The following CYP2C8 variants were observed in gnomAD, a reference collection of about 807,000 sequenced individuals.
CYP2C8 encodes cytochrome P450 family 2 subfamily C member 8.
Under a neutral mutation model 41.3 loss-of-function variants are expected in CYP2C8, and 51 were observed. The observed-to-expected ratio is 1.24, with a 90% CI of 0.99 to 1.56. CYP2C8 has a LOEUF of 1.56. CYP2C8 is among the 40% of genes most tolerant of loss of function. The pLI, the probability that CYP2C8 is intolerant of heterozygous loss-of-function variation, is 0.00. For missense variants in CYP2C8, 651 were observed against 579.9 expected, an observed-to-expected ratio of 1.12 and a Z score of -1.26; for synonymous variants, 218 against 205.8, an observed-to-expected ratio of 1.06 and a Z score of -0.51.
intron 5 of CYP2C8, among the ~76,000 whole-genome samples, chr10:95,054,556 CA>C (rs1328626371): frequency 6.6e-6 from 1 of 151,778 alleles, no homozygotes; most frequent in Non-Finnish European, 1.5e-5. Flanking sequence ...AGGTCCTAGC[CA>C]AAACAATTAG....
chr10:95,038,767 A>G lies in CYP2C8; in HGVS notation c.1291+130T>C, dbSNP rs2275621. 525 of 839,464 alleles carry G rather than the reference A, an allele frequency of 6.3e-4. 5 individuals carry two copies. In the East Asian group the frequency reaches 0.012, roughly 19 times the overall value. The allele number at this position is 839,464 out of a possible 1,614,324, so 52.0% of individuals were successfully genotyped here. ...TGTGAGGGTGGAGCACATGGGTGTT[A>G]AGAGTGGTGCTCTTGATCATGGACA... On this transcript the variant is annotated intron_variant, in intron 8 of 8. Transcript: ENST00000371270.
At chr10:95,042,387 A>G (rs2033020264) in intron 7 of CYP2C8, among the ~76,000 whole-genome samples, 1 of 135,684 alleles carries the variant, frequency 7.4e-6, no homozygotes, top group Non-Finnish European at 1.6e-5. Flanking sequence ...AATTACTTAT[A>G]CCAATTACAA....
chr10:95,058,956 C>A (rs2033366918), intron 4 of CYP2C8, among the ~76,000 whole-genome samples: 1 of 151,218 alleles, frequency 6.6e-6, no homozygotes, highest in Non-Finnish European at 1.5e-5. Context: ...CATCCATGTC[C>A]CTACAAAGAA....
intron 3 of CYP2C8, among the ~76,000 whole-genome samples, chr10:95,066,153 A>AGTGTGTGT (rs113983526): frequency 1.6e-4 from 14 of 88,266 alleles, no homozygotes; most frequent in African/African-American, 3.6e-4. Context: ...AGAGAGAGAG[A>AGTGTGTGT]GTGTGTGTGT....
At chr10:95,068,700 C>A (rs2033619970) in intron 1 of CYP2C8, 4 of 915,766 alleles carry the variant, frequency 4.4e-6, no homozygotes, top group South Asian at 4.1e-5. Context: ...AATACAATGA[C>A]CCCAATGTTT....
intron 7 of CYP2C8, among the ~76,000 whole-genome samples, chr10:95,042,291 A>G (rs1017292418): frequency 1.3e-5 from 2 of 152,216 alleles, no homozygotes; most frequent in Admixed American, 6.5e-5. Flanking sequence ...AATTCCAAGT[A>G]TATCTACAGA....
At chr10:95,057,711 A>G (rs2134427460) in intron 5 of CYP2C8, among the ~76,000 whole-genome samples, 1 of 152,320 alleles carries the variant, frequency 6.6e-6, no homozygotes, top group African/African-American at 2.4e-5. Flanking sequence ...AGGAAAAAAT[A>G]TACTTTTTCA....
intron 7 of CYP2C8, among the ~76,000 whole-genome samples, chr10:95,041,189 G>A (rs2032987554): frequency 6.6e-6 from 1 of 151,652 alleles, no homozygotes; most frequent in African/African-American, 2.4e-5. Context: ...TGAGAGAAGA[G>A]AAAAAACTTC....
chr10:95,045,363 G>C (rs1283810014), intron 6 of CYP2C8, among the ~76,000 whole-genome samples: 1 of 152,122 alleles, frequency 6.6e-6, no homozygotes, highest in Non-Finnish European at 1.5e-5. Context: ...TTTATGTCAG[G>C]ATGCCTCAGT....
At chr10:95,060,581 A>G (rs2134431996) in intron 4 of CYP2C8, among the ~76,000 whole-genome samples, 1 of 152,292 alleles carries the variant, frequency 6.6e-6, no homozygotes, top group South Asian at 2.1e-4. Context: ...CAGTCATGTC[A>G]TCTGCAAACA....
chr10:95,062,390 T>C (rs1012109844), intron 4 of CYP2C8, among the ~76,000 whole-genome samples: 2 of 152,234 alleles, frequency 1.3e-5, no homozygotes, highest in East Asian at 3.8e-4. Flanking sequence ...TTTACCATTA[T>C]GTAATGGCCT....
intron 5 of CYP2C8, among the ~76,000 whole-genome samples, chr10:95,054,537 T>G (rs978715912): frequency 5.3e-5 from 8 of 152,142 alleles, no homozygotes; most frequent in African/African-American, 1.9e-4. Context: ...CTATTCAGCA[T>G]AGCACTTAAG....
At chr10:95,042,484 A>C (rs2033023028) in intron 7 of CYP2C8, among the ~76,000 whole-genome samples, 1 of 152,222 alleles carries the variant, frequency 6.6e-6, no homozygotes, top group Admixed American at 6.5e-5. Context: ...AAACCACTGC[A>C]CTGAAAATAA....
chr10:95,065,241 G>A (rs2033536314), intron 3 of CYP2C8, among the ~76,000 whole-genome samples: 2 of 152,108 alleles, frequency 1.3e-5, no homozygotes, highest in South Asian at 4.1e-4. Flanking sequence ...TATTTTGGAA[G>A]GAAAAAGAAG....
intron 5 of CYP2C8, among the ~76,000 whole-genome samples, chr10:95,050,410 A>G (rs2033192409): frequency 6.6e-6 from 1 of 152,104 alleles, no homozygotes; most frequent in South Asian, 2.1e-4. Context: ...AGGGCCCCAG[A>G]TCCTTGGAAA....
chr10:95,067,427 C>T, intron 2 of CYP2C8, 70 bp from the exon 3 acceptor site: 2 of 1,613,146 alleles, frequency 1.2e-6, no homozygotes, highest in Non-Finnish European at 1.7e-6. Flanking sequence ...CACTTGGCAG[C>T]CATGCAGATA....
intron 4 of CYP2C8, among the ~76,000 whole-genome samples, chr10:95,059,623 G>A (rs2033382468): frequency 6.6e-6 from 1 of 152,060 alleles, no homozygotes; most frequent in East Asian, 1.9e-4. Flanking sequence ...AGTTTCTTTT[G>A]CTTTGCAGAA....
intron 8 of CYP2C8, 71 bp from the exon 9 acceptor site, chr10:95,037,380 G>A: frequency 7.3e-7 from 1 of 1,362,964 alleles, no homozygotes. Context: ...AGTCATTTGT[G>A]ACTTGCACAA....
rs554729601 is a variant in CYP2C8 at position 95,054,375 on chromosome 10, A to G, written c.819+3960T>C. 2.0e-5 allele frequency among the ~76,000 whole-genome samples: 3 copies of G among 152,258 alleles called. No individual in the cohort carries two copies. The South Asian group carries it at 6.2e-4, about 32-fold the overall frequency. On this transcript the variant is annotated intron_variant, in intron 5 of 8. Coordinates refer to ENST00000371270, the MANE Select transcript of CYP2C8 (RefSeq NM_000770.3). ...AAAATTCAATACTTTTCCTGATAAA[A>G]TCACTCAAAGATATGAATAGAAGGG... is the stretch of plus-strand genomic sequence containing the variant.
Sources: allele counts gnomAD v4.1 joint callset (sites outside exome capture counted in the v4.1 genomes callset), GRCh38; gene constraint gnomAD v4.1.1; transcripts MANE v1.5; gene names NCBI Gene and HGNC (gene_info 2026-07-23, HGNC 2026-07-21).